CTNNA2: variants seen among roughly 807,000 people sequenced by gnomAD.
CTNNA2 encodes catenin alpha 2, also known as catenin alpha-2.
CTNNA2 carries 42 observed loss-of-function variants against 101.0 expected under a neutral mutation model. The observed-to-expected ratio is 0.42, with a 90% confidence interval of 0.32 to 0.54. The LOEUF (loss-of-function observed/expected upper bound fraction) is 0.54, where lower values mean the gene tolerates loss of function less well. Among genes scored for constraint, CTNNA2 ranks in the 20% least tolerant of loss-of-function variants. CTNNA2 has a pLI of 0.14. For synonymous variants in CTNNA2, 450 were observed against 456.4 expected, an observed-to-expected ratio of 0.99 and a Z score of 0.18; for missense variants, 871 against 1,223.1, an observed-to-expected ratio of 0.71 and a Z score of 4.29.
chr2:80,499,932 CA>C (rs35267780), intron 9 of CTNNA2, among the ~76,000 whole-genome samples: 4,994 of 80,166 alleles, frequency 0.062, 103 homozygotes, highest in African/African-American at 0.12. Flanking sequence ...AAACGTTCTA[CA>C]AAAAAAAAAA....
At chr2:79,606,051 A>G (rs1335044624) in intron 1 of CTNNA2, among the ~76,000 whole-genome samples, 1 of 152,200 alleles carries the variant, frequency 6.6e-6, no homozygotes, top group Non-Finnish European at 1.5e-5. Context: ...AAAATAAAGG[A>G]AACATAAAGC....
chr2:79,684,492 T>A (rs1240679405), intron 2 of CTNNA2, among the ~76,000 whole-genome samples: 1 of 152,200 alleles, frequency 6.6e-6, no homozygotes, highest in Admixed American at 6.5e-5. Context: ...CTGGATTGTG[T>A]TTAAACTATT....
intron 3 of CTNNA2, among the ~76,000 whole-genome samples, chr2:79,314,765 T>C (rs1008225170): frequency 2.6e-5 from 4 of 152,176 alleles, no homozygotes; most frequent in African/African-American, 9.7e-5. Flanking sequence ...AGGATGTCCA[T>C]ACCACAGCCT....
At chr2:80,436,541 C>G (rs1165473199) in intron 9 of CTNNA2, among the ~76,000 whole-genome samples, 1 of 152,136 alleles carries the variant, frequency 6.6e-6, no homozygotes, top group Non-Finnish European at 1.5e-5. Context: ...CTGCTATGGT[C>G]TCAATGTTTG....
intron 12 of CTNNA2, among the ~76,000 whole-genome samples, chr2:80,556,894 G>A (rs1693087568): frequency 6.6e-6 from 1 of 152,150 alleles, no homozygotes; most frequent in Non-Finnish European, 1.5e-5. Flanking sequence ...AGCTTTGGAT[G>A]CCACCAGGCA....
chr2:80,638,985 G>A (rs1407831129), intron 18 of CTNNA2, among the ~76,000 whole-genome samples: 1 of 152,104 alleles, frequency 6.6e-6, no homozygotes, highest in African/African-American at 2.4e-5. Flanking sequence ...CCTCACAACT[G>A]GCCTTCAGCA....
chr2:79,371,172 G>T (rs1432243223), intron 3 of CTNNA2, among the ~76,000 whole-genome samples: 1 of 152,052 alleles, frequency 6.6e-6, no homozygotes, highest in African/African-American at 2.4e-5. Flanking sequence ...CTTCTCTTGG[G>T]ACTTTTATTA....
chr2:79,654,697 G>A (rs965144723), intron 2 of CTNNA2, among the ~76,000 whole-genome samples: 1 of 152,186 alleles, frequency 6.6e-6, no homozygotes, highest in African/African-American at 2.4e-5. Context: ...GGATTAGAAT[G>A]TGGACATCTT....
chr2:79,318,485 A>C (rs2104406811), intron 3 of CTNNA2, among the ~76,000 whole-genome samples: 1 of 152,290 alleles, frequency 6.6e-6, no homozygotes, highest in African/African-American at 2.4e-5. Context: ...ACATTGATTG[A>C]TGTTGTTGGT....
chr2:79,694,653 G>A (rs1391504617), intron 2 of CTNNA2, among the ~76,000 whole-genome samples: 3 of 151,710 alleles, frequency 2.0e-5, no homozygotes, highest in African/African-American at 7.3e-5. Flanking sequence ...ATCGTAATAG[G>A]CTGCTTGAGT....
intron 4 of CTNNA2, among the ~76,000 whole-genome samples, chr2:79,447,584 A>G (rs1474924505): frequency 6.6e-6 from 1 of 152,006 alleles, no homozygotes; most frequent in Non-Finnish European, 1.5e-5. Context: ...GTCCTCATGC[A>G]GTTTATTACC....
intron 7 of CTNNA2, among the ~76,000 whole-genome samples, chr2:80,127,364 G>A (rs1702195843): frequency 6.6e-6 from 1 of 152,086 alleles, no homozygotes; most frequent in Non-Finnish European, 1.5e-5. Context: ...TGCCTTTTGG[G>A]GCAGAAGAAT....
At chr2:79,467,974 CAAGCAAAAT>C (rs1670957654) in intron 4 of CTNNA2, among the ~76,000 whole-genome samples, 1 of 152,142 alleles carries the variant, frequency 6.6e-6, no homozygotes, top group African/African-American at 2.4e-5. Flanking sequence ...CATCAACTAA[CAAGCAAAAT>C]AACCAGCTAA....
intron 12 of CTNNA2, among the ~76,000 whole-genome samples, 168 bp from the exon 13 acceptor site, chr2:80,573,995 A>G (rs545290080): frequency 9.2e-5 from 14 of 152,160 alleles, no homozygotes; most frequent in Non-Finnish European, 1.5e-4. Flanking sequence ...CTCCTGAGGT[A>G]ACTGTCATAA....
intron 7 of CTNNA2, among the ~76,000 whole-genome samples, chr2:80,117,455 A>AGAGTGTGTGTGTGTGT (rs143379167): frequency 1.8e-4 from 26 of 145,988 alleles, no homozygotes; most frequent in African/African-American, 6.4e-4. Flanking sequence ...TTCCTGTGTG[A>AGAGTGTGTGTGTGTGT]GTGTGTGTGT....
Position 80,604,167 on chromosome 2 carries a change from T to G in CTNNA2, c.2283T>G (p.Ala761=). 1 of 1,612,686 alleles carries G rather than the reference T, an allele frequency of 6.2e-7. No individual in the cohort carries two copies. The highest frequency in any genetic ancestry group is 1.1e-5 in the South Asian group (1 of 91,050). The change falls in exon 16 of 19, where the codon GCT becomes GCG. Residue 761 remains alanine (A), a synonymous_variant. Transcript: ENST00000402739. The part of the protein sequence containing the change: ...AGSRMDKLAR[A]VADQCPDSAC... ...CTCGAATGGACAAATTAGCTCGTGCTGTGGCTGATCAGGTAATAGAAGAGG... is the reference window on the plus strand; with the variant it reads ...CTCGAATGGACAAATTAGCTCGTGCGGTGGCTGATCAGGTAATAGAAGAGG...
intron 7 of CTNNA2, among the ~76,000 whole-genome samples, chr2:80,165,539 A>G (rs980899291): frequency 2.6e-5 from 4 of 151,904 alleles, no homozygotes; most frequent in African/African-American, 9.7e-5. Context: ...TTTTTTTCAT[A>G]CCTGCATTAC....
At chr2:79,674,230 C>T (rs1419967510) in intron 2 of CTNNA2, among the ~76,000 whole-genome samples, 1 of 152,082 alleles carries the variant, frequency 6.6e-6, no homozygotes, top group Non-Finnish European at 1.5e-5. Context: ...GTCAGTGGCC[C>T]TATTTTAGAG....
At chr2:80,121,341 A>C (rs1269018883) in intron 7 of CTNNA2, among the ~76,000 whole-genome samples, 1 of 152,326 alleles carries the variant, frequency 6.6e-6, no homozygotes, top group African/African-American at 2.4e-5. Context: ...GTATAATGGG[A>C]ATAATCATTA....
Sources: allele counts gnomAD v4.1 joint callset (sites outside exome capture counted in the v4.1 genomes callset), GRCh38; gene constraint gnomAD v4.1.1; transcripts MANE v1.5; gene names NCBI Gene and HGNC (gene_info 2026-07-23, HGNC 2026-07-21).